The following RIPPLY3 variants were observed in gnomAD, a reference collection of about 807,000 sequenced individuals.
RIPPLY3 encodes protein ripply3.
In RIPPLY3, 8 loss-of-function variants were observed where a neutral mutation model predicts 11.9. The ratio of observed to expected loss-of-function variants is 0.67; its 90% confidence interval spans 0.40 to 1.21. The LOEUF is 1.21. RIPPLY3 is among the 50% of genes most tolerant of loss of function. The pLI is 0.01. For missense variants in RIPPLY3, 271 were observed against 246.0 expected, an observed-to-expected ratio of 1.10 and a Z score of -0.68; for synonymous variants, 102 against 99.0, an observed-to-expected ratio of 1.03 and a Z score of -0.18.
Position 37,006,899 on chromosome 21 carries a change from G to T in RIPPLY3, c.104+23G>T, listed in dbSNP as rs972199832. The T allele has an allele frequency of 6.5e-5, 78 of 1,190,878 alleles. No homozygotes were observed. Among genetic ancestry groups the T allele is most frequent in the Non-Finnish European group, 7.3e-6 (7 of 954,418 alleles). 73.8% of individuals were successfully genotyped at this position (1,190,878 alleles called of 1,614,324 possible). ...GAGGTGAGGGTGGCCCCGCGCCCCG[G>T]TGGACGCGCTGAGAGGCGTGCGCGG... On this transcript the variant is annotated intron_variant, in intron 1 of 3. Transcript: ENST00000329553. This position sits in a 1 kb window ranked among gnomAD's most constrained non-coding sequence, Gnocchi z 5.2.
chr21:37,006,883 G>A lies in RIPPLY3; in HGVS notation c.104+7G>A. ...CACCGCGCGGGCCGGAGAGGTGAGG[G>A]TGGCCCCGCGCCCCGGTGGACGCGC... On this transcript the variant is annotated splice_region_variant and intron_variant, in intron 1 of 3. Coordinates refer to ENST00000329553, the MANE Select transcript of RIPPLY3 (RefSeq NM_018962.3). The surrounding 1 kb of genome is among the most constrained non-coding windows in gnomAD (Gnocchi z 5.2). 1 of 1,212,562 alleles carries A rather than the reference G, an allele frequency of 8.2e-7. No homozygotes were observed. Among genetic ancestry groups the A allele is most frequent in the Non-Finnish European group, 1.0e-6 (1 of 973,798 alleles). 75.1% of individuals were successfully genotyped at this position (1,212,562 alleles called of 1,614,324 possible).
At chr21:37,006,485 C>A (rs529800345), upstream of RIPPLY3, 28 of 294,944 alleles carry the variant, frequency 9.5e-5, no homozygotes, top group South Asian at 4.4e-3. The surrounding 1 kb of genome is among the most constrained non-coding windows in gnomAD (Gnocchi z 5.2). Flanking sequence ...CCGGCGCCAC[C>A]TCCTTGAGCT....
Position 37,015,351 on chromosome 21 carries a change from G to A in RIPPLY3, c.239+1733G>A, listed in dbSNP as rs575554508. Among the ~76,000 whole-genome samples the A allele has an allele frequency of 9.9e-5, 15 of 152,012 alleles. No homozygotes were observed. In the South Asian group the frequency reaches 3.1e-3, roughly 32 times the overall value. On this transcript the variant is annotated intron_variant, in intron 3 of 3. Coordinates refer to ENST00000329553, the MANE Select transcript of RIPPLY3 (RefSeq NM_018962.3). ...GCTAATTTTTGTATTTTTAATAGAGGTGGGGTTTCACCATGTTGGCCAGGC... is the reference window on the plus strand; with the variant it reads ...GCTAATTTTTGTATTTTTAATAGAGATGGGGTTTCACCATGTTGGCCAGGC...
chr21:37,015,931 CTCAAACTCCTGGGCTCAAG>C (rs1165637557), intron 3 of RIPPLY3, among the ~76,000 whole-genome samples: 1 of 145,160 alleles, frequency 6.9e-6, no homozygotes, highest in Non-Finnish European at 1.5e-5. Flanking sequence ...TCAGGCTGGT[CTCAAACTCCTGGGCTCAAG>C]TGATCCTCTT....
Position 37,019,512 on chromosome 21 carries a change from T to G in RIPPLY3, c.*1305T>G, listed in dbSNP as rs942027381. 1 of 152,116 alleles carries G rather than the reference T, an allele frequency of 6.6e-6. No individual in the cohort carries two copies. Among genetic ancestry groups the G allele is most frequent in the African/African-American group, 2.4e-5 (1 of 41,446 alleles). 9.4% of individuals were successfully genotyped at this position (152,116 alleles called of 1,614,324 possible). A position where few individuals can be genotyped will look rare whatever the true frequency, so the allele number is the denominator to read the frequency against. On this transcript the variant is annotated 3_prime_UTR_variant, in exon 4 of 4. Transcript: ENST00000329553. ...TTAACCCATGAACACTATTTTTAAT[T>G]AAAGTATCTGATGTAAAATTATTTT...
In RIPPLY3 at chr21:37,013,555, A is replaced by C. The variant is rs1455520629; in HGVS notation, c.176A>C (p.Glu59Ala). The C allele has an allele frequency of 2.5e-6, 4 of 1,613,404 alleles. No individual in the cohort carries two copies. In the South Asian group the frequency reaches 4.4e-5, roughly 18 times the overall value. ...TGTATGTGTCTGTCGTTACAGCTTG[A>C]ACCTAGGGCTGACCAACACACTTTT... is the stretch of plus-strand genomic sequence containing the variant. Reference protein sequence around the residue: ...AELTRTGRPLEPRADQHTFGS... With the variant: ...AELTRTGRPLAPRADQHTFGS... The change falls in exon 3 of 4, where the codon GAA becomes GCA. Residue 59 changes from glutamate to alanine, a missense_variant. Coordinates refer to ENST00000329553, the MANE Select transcript of RIPPLY3 (RefSeq NM_018962.3).
chr21:37,012,898 T>G (rs1446359114), intron 2 of RIPPLY3, among the ~76,000 whole-genome samples: 1 of 145,516 alleles, frequency 6.9e-6, no homozygotes, highest in Non-Finnish European at 1.5e-5. Context: ...GGAGTGTCGC[T>G]CTGTCGTCCA....
At chr21:37,008,596 A>G (rs1024441400) in intron 2 of RIPPLY3, among the ~76,000 whole-genome samples, 1 of 151,946 alleles carries the variant, frequency 6.6e-6, no homozygotes, top group Non-Finnish European at 1.5e-5. Flanking sequence ...CGTCTCTACT[A>G]AAAATATAAA....
chr21:37,015,086 C>A (rs566803448), intron 3 of RIPPLY3, among the ~76,000 whole-genome samples: 2 of 152,162 alleles, frequency 1.3e-5, no homozygotes, highest in South Asian at 2.1e-4. Flanking sequence ...AATACAGATG[C>A]CTGGGTGGTT....
chr21:37,013,013 C>T (rs917055994), intron 2 of RIPPLY3, among the ~76,000 whole-genome samples: 3 of 151,744 alleles, frequency 2.0e-5, no homozygotes, highest in Admixed American at 1.3e-4. Context: ...TACAGGCATG[C>T]GCCACCACGC....
Position 37,006,893 on chromosome 21 carries a change from G to T in RIPPLY3, c.104+17G>T. The T allele has an allele frequency of 8.3e-7, 1 of 1,200,836 alleles. No individual in the cohort carries two copies. Among genetic ancestry groups the T allele is most frequent in the Non-Finnish European group, 1.0e-6 (1 of 963,402 alleles). 74.4% of individuals were successfully genotyped at this position (1,200,836 alleles called of 1,614,324 possible). On this transcript the variant is annotated intron_variant, in intron 1 of 3. Coordinates refer to ENST00000329553, the MANE Select transcript of RIPPLY3 (RefSeq NM_018962.3). This position sits in a 1 kb window ranked among gnomAD's most constrained non-coding sequence, Gnocchi z 5.2. ...GCCGGAGAGGTGAGGGTGGCCCCGC[G>T]CCCCGGTGGACGCGCTGAGAGGCGT...
chr21:37,008,313 C>T (rs1353620557), intron 2 of RIPPLY3, 90 bp downstream of exon 2: 4 of 1,368,156 alleles, frequency 2.9e-6, no homozygotes, highest in Non-Finnish European at 3.1e-6. Flanking sequence ...TGGCCTTCTG[C>T]GCAGGGCCGT....
In RIPPLY3 at chr21:37,006,892, C is replaced by T; in HGVS notation, c.104+16C>T. On this transcript the variant is annotated intron_variant, in intron 1 of 3. Coordinates refer to ENST00000329553, the MANE Select transcript of RIPPLY3 (RefSeq NM_018962.3). The surrounding 1 kb of genome is among the most constrained non-coding windows in gnomAD (Gnocchi z 5.2). ...GGCCGGAGAGGTGAGGGTGGCCCCG[C>T]GCCCCGGTGGACGCGCTGAGAGGCG... 1 of 1,201,336 alleles carries T rather than the reference C, an allele frequency of 8.3e-7. No individual in the cohort carries two copies. Among genetic ancestry groups the T allele is most frequent in the Non-Finnish European group, 1.0e-6 (1 of 963,700 alleles). The allele number at this position is 1,201,336 out of a possible 1,614,324, so 74.4% of individuals were successfully genotyped here. A position where few individuals can be genotyped will look rare whatever the true frequency, so the allele number is the denominator to read the frequency against.
At chr21:37,007,966 G>A (rs554328911) in intron 1 of RIPPLY3, among the ~76,000 whole-genome samples, 191 bp from the exon 2 acceptor site, 1 of 152,296 alleles carries the variant, frequency 6.6e-6, no homozygotes, top group East Asian at 1.9e-4. Flanking sequence ...GAGAACTGGG[G>A]ACGTAGCAGG....
At chr21:37,016,486 T>G (rs2069580084) in intron 3 of RIPPLY3, among the ~76,000 whole-genome samples, 1 of 152,088 alleles carries the variant, frequency 6.6e-6, no homozygotes, top group African/African-American at 2.4e-5. Context: ...AGTGATCAAT[T>G]GACAAACTCA....
In RIPPLY3 at chr21:37,006,972, C is replaced by T; in HGVS notation, c.104+96C>T. The T allele has an allele frequency of 1.4e-6, 1 of 691,878 alleles. No homozygotes were observed. Among genetic ancestry groups the T allele is most frequent in the South Asian group, 7.4e-5 (1 of 13,582 alleles). 42.9% of individuals were successfully genotyped at this position (691,878 alleles called of 1,614,324 possible). A position where few individuals can be genotyped will look rare whatever the true frequency, so the allele number is the denominator to read the frequency against. ...AGCGGGAGGCTGGGGCGCTGCTGAA[C>T]CCCCGATCCCCAGCGGAGCTCCGGA... On this transcript the variant is annotated intron_variant, in intron 1 of 3. Coordinates refer to ENST00000329553, the MANE Select transcript of RIPPLY3 (RefSeq NM_018962.3). This position sits in a 1 kb window ranked among gnomAD's most constrained non-coding sequence, Gnocchi z 5.2.
rs1386884151 is a variant in RIPPLY3 at position 37,018,325 on chromosome 21, G to A, written c.*118G>A. The A allele has an allele frequency of 2.5e-6, 2 of 814,142 alleles. No homozygotes were observed. Among genetic ancestry groups the A allele is most frequent in the Admixed American group, 4.5e-5 (2 of 44,832 alleles). 50.4% of individuals were successfully genotyped at this position (814,142 alleles called of 1,614,324 possible). A position where few individuals can be genotyped will look rare whatever the true frequency, so the allele number is the denominator to read the frequency against. ...TGTGCAGAGGCTAGAGGCTTCTCGG[G>A]CAGCCCCTGGCCTGCACACTACTCA... On this transcript the variant is annotated 3_prime_UTR_variant, in exon 4 of 4. Coordinates refer to ENST00000329553, the MANE Select transcript of RIPPLY3 (RefSeq NM_018962.3).
intron 2 of RIPPLY3, among the ~76,000 whole-genome samples, chr21:37,012,141 T>A (rs534515628): frequency 1.6e-3 from 247 of 151,276 alleles, no homozygotes; most frequent in Non-Finnish European, 2.8e-3. Context: ...TCTCATCTGG[T>A]TCCAATTGAA....
At chr21:37,015,138 T>C (rs1008320748) in intron 3 of RIPPLY3, among the ~76,000 whole-genome samples, 2 of 152,028 alleles carry the variant, frequency 1.3e-5, no homozygotes, top group African/African-American at 4.8e-5. Context: ...GAAAGACCCA[T>C]GCATCTGTTT....
Sources: allele counts gnomAD v4.1 joint callset (sites outside exome capture counted in the v4.1 genomes callset), GRCh38; gene constraint gnomAD v4.1.1; non-coding constraint Gnocchi (gnomAD v3.1); transcripts MANE v1.5; gene names NCBI Gene and HGNC (gene_info 2026-07-23, HGNC 2026-07-21).